Variants in ITGA9 observed in about 807,000 individuals in gnomAD.
The protein encoded by ITGA9 is integrin alpha-9.
Under a neutral mutation model 127.8 loss-of-function variants are expected in ITGA9, and 56 were observed. That is an observed-to-expected ratio of 0.44 (90% confidence interval 0.35 to 0.55). The LOEUF (loss-of-function observed/expected upper bound fraction) is 0.55, where lower values mean the gene tolerates loss of function less well. Among genes scored for constraint, ITGA9 ranks in the 20% least tolerant of loss-of-function variants. The pLI is 0.00. For synonymous variants in ITGA9, 508 were observed against 514.5 expected (o/e 0.99, Z 0.17); for missense variants, 1,196 against 1,347.1 (o/e 0.89, Z 1.76).
At position 37,806,475 on chromosome 3, in the gene ITGA9, C is replaced by G. The variant is rs529097634; in HGVS notation, c.3009+2533C>G. Reference sequence around the variant, plus strand: ...GTCTGCATGCCCTCCTTCTGGCCGCCCCACCTGGCTCTGCCTCTCAGGGGT... The same window carrying G: ...GTCTGCATGCCCTCCTTCTGGCCGCGCCACCTGGCTCTGCCTCTCAGGGGT... On this transcript the variant is annotated intron_variant, in intron 27 of 27. Coordinates refer to ENST00000264741, the MANE Select transcript of ITGA9 (RefSeq NM_002207.3). The surrounding 1 kb of genome is among the most constrained non-coding windows in gnomAD (Gnocchi z 4.3). 6.6e-6 allele frequency: 1 copy of G among 152,666 alleles called. No individual in the cohort carries two copies. The highest frequency in any genetic ancestry group is 6.5e-5 in the Admixed American group (1 of 15,310). The allele number at this position is 152,666 out of a possible 1,614,324, so 9.5% of individuals were successfully genotyped here. A position where few individuals can be genotyped will look rare whatever the true frequency, so the allele number is the denominator to read the frequency against.
At chr3:37,605,477 A>G (rs1203704675) in intron 15 of ITGA9, among the ~76,000 whole-genome samples, 9 of 152,192 alleles carry the variant, frequency 5.9e-5, no homozygotes, top group Non-Finnish European at 1.3e-4. Flanking sequence ...CTGTCCTCCC[A>G]GCAGACTGGA....
intron 4 of ITGA9, among the ~76,000 whole-genome samples, chr3:37,491,324 C>T (rs541974737): frequency 6.6e-6 from 1 of 152,346 alleles, no homozygotes; most frequent in South Asian, 2.1e-4. Flanking sequence ...CTGTGAGCTG[C>T]TGTCAGGCAA....
At chr3:37,562,211 C>G (rs947721182) in intron 15 of ITGA9, among the ~76,000 whole-genome samples, 2 of 152,098 alleles carry the variant, frequency 1.3e-5, no homozygotes, top group Non-Finnish European at 2.9e-5. Flanking sequence ...CCTGAAAGCC[C>G]TTTCTTAGGC....
chr3:37,776,804 A>AT (rs1043188789), intron 23 of ITGA9, among the ~76,000 whole-genome samples: 1 of 152,118 alleles, frequency 6.6e-6, no homozygotes, highest in African/African-American at 2.4e-5. Flanking sequence ...CTGGTCAGTT[A>AT]TTTTTTTGGT....
chr3:37,663,667 A>G (rs1700559298), intron 17 of ITGA9, among the ~76,000 whole-genome samples: 1 of 152,240 alleles, frequency 6.6e-6, no homozygotes, highest in Non-Finnish European at 1.5e-5. Context: ...TGCACAGCCT[A>G]GGTCAGAAGT....
At chr3:37,604,793 G>A (rs1699953178) in intron 15 of ITGA9, among the ~76,000 whole-genome samples, 1 of 152,184 alleles carries the variant, frequency 6.6e-6, no homozygotes, top group South Asian at 2.1e-4. Context: ...GTTTCAGAAA[G>A]TTGAGGGAAA....
chr3:37,627,783 G>A (rs1700190375), intron 15 of ITGA9, among the ~76,000 whole-genome samples: 2 of 152,168 alleles, frequency 1.3e-5, no homozygotes, highest in Admixed American at 1.3e-4. Flanking sequence ...GTGACATGCT[G>A]TATGTCATCA....
intron 15 of ITGA9, among the ~76,000 whole-genome samples, chr3:37,622,715 T>C: frequency 6.6e-6 from 1 of 151,896 alleles, no homozygotes; most frequent in African/African-American, 2.4e-5. Context: ...CGTGGTGGTG[T>C]GTGCCTGAAT....
chr3:37,465,152 G>A (rs1424638988), intron 1 of ITGA9, among the ~76,000 whole-genome samples: 1 of 152,216 alleles, frequency 6.6e-6, no homozygotes, highest in Admixed American at 6.5e-5. Context: ...TGGTGTTTGT[G>A]GGGAGGGAGG....
chr3:37,519,814 C>G (rs535823759), intron 11 of ITGA9, among the ~76,000 whole-genome samples: 23 of 152,366 alleles, frequency 1.5e-4, no homozygotes, highest in African/African-American at 5.5e-4. Flanking sequence ...TGCGCTTGCG[C>G]CCTATACTTG....
At position 37,560,327 on chromosome 3, in the gene ITGA9, G is replaced by A. The variant is rs200391226; in HGVS notation, c.1689+17742G>A. 1.1e-4 allele frequency among the ~76,000 whole-genome samples: 16 copies of A among 152,170 alleles called. No homozygotes were observed. In the East Asian group the frequency reaches 1.2e-3, roughly 11 times the overall value. On this transcript the variant is annotated intron_variant, in intron 15 of 27. Coordinates refer to ENST00000264741, the MANE Select transcript of ITGA9 (RefSeq NM_002207.3). The stretch of plus-strand genomic sequence containing the variant: ...TAGTATTCCATGGTGTATATGTCCC[G>A]CATTTTCTTAATCCAGTCTATCATT...
chr3:37,758,329 C>CAAAAAAAAAAAAAAAAA lies in ITGA9; in HGVS notation c.2541+7768_2541+7784dup, dbSNP rs57505967. On this transcript the variant is annotated intron_variant, in intron 23 of 27. Coordinates refer to ENST00000264741, the MANE Select transcript of ITGA9 (RefSeq NM_002207.3). ...TGGGCGACAGAGCGAGACTCCGTCT[C>CAAAAAAAAAAAAAAAAA]AAAAAAAAAAAAAAAAAAAAAAAAT... Among the ~76,000 whole-genome samples, 4 of 65,988 alleles carry CAAAAAAAAAAAAAAAAA rather than the reference C, an allele frequency of 6.1e-5. 1 individual carries two copies. Among genetic ancestry groups the CAAAAAAAAAAAAAAAAA allele is most frequent in the African/African-American group, 2.7e-4 (4 of 15,048 alleles). 43.3% of individuals were successfully genotyped at this position (65,988 alleles called of 152,430 possible). A position where few individuals can be genotyped will look rare whatever the true frequency, so the allele number is the denominator to read the frequency against.
intron 17 of ITGA9, among the ~76,000 whole-genome samples, chr3:37,681,516 C>T (rs1257607572): frequency 6.6e-6 from 1 of 152,122 alleles, no homozygotes; most frequent in African/African-American, 2.4e-5. Context: ...AGGGTCTGCC[C>T]CCTTTCTGCT....
At chr3:37,750,602 C>G in intron 23 of ITGA9, 33 bp downstream of exon 23, 1 of 1,437,702 alleles carries the variant, frequency 7.0e-7, no homozygotes, top group Admixed American at 1.7e-5. Flanking sequence ...CTATTGCTTT[C>G]AGCTTTGAGC....
intron 22 of ITGA9, 37 bp from the exon 23 acceptor site, chr3:37,750,425 T>C: frequency 8.1e-7 from 1 of 1,228,886 alleles, no homozygotes; most frequent in Non-Finnish European, 1.2e-6. Context: ...TCTGCTATTT[T>C]CCACTGAGAC....
chr3:37,641,548 T>C (rs1247027326), intron 16 of ITGA9, among the ~76,000 whole-genome samples: 1 of 152,092 alleles, frequency 6.6e-6, no homozygotes, highest in African/African-American at 2.4e-5. Flanking sequence ...CCAGATAGCA[T>C]GAGTCCCTTC....
intron 15 of ITGA9, among the ~76,000 whole-genome samples, chr3:37,548,733 G>A (rs763906348): frequency 2.6e-5 from 4 of 152,148 alleles, no homozygotes; most frequent in African/African-American, 9.7e-5. Flanking sequence ...AGCATGGAGG[G>A]GCCCTGGTGC....
In ITGA9 at chr3:37,675,646, T is replaced by C. The variant is rs183594681; in HGVS notation, c.1917-8219T>C. The stretch of plus-strand genomic sequence containing the variant: ...TTGGTGAGAAAGAAAAGCACACATA[T>C]GTTACGCTTTTTTTTTCAGCATTTC... On this transcript the variant is annotated intron_variant, in intron 17 of 27. Transcript: ENST00000264741. Among the ~76,000 whole-genome samples the C allele has an allele frequency of 3.0e-3, 463 of 152,280 alleles. 4 individuals carry two copies. Among genetic ancestry groups the C allele is most frequent in the Middle Eastern group, 0.01 (3 of 294 alleles).
intron 23 of ITGA9, among the ~76,000 whole-genome samples, chr3:37,751,859 C>G (rs1337557522): frequency 6.6e-6 from 1 of 152,162 alleles, no homozygotes; most frequent in East Asian, 1.9e-4. Context: ...CTGTAACAGA[C>G]TTGGCCCTAG....
Sources: gnomAD v4.1 joint callset for allele counts (sites outside exome capture counted in the v4.1 genomes callset) on GRCh38, gnomAD v4.1.1 for gene constraint, Gnocchi (gnomAD v3.1) non-coding constraint, MANE v1.5 for transcripts, NCBI Gene and HGNC (gene_info 2026-07-23, HGNC 2026-07-21) for gene names.